The following HSD17B3 variants were observed in gnomAD, a reference collection of about 807,000 sequenced individuals.
HSD17B3 encodes the protein 17-beta-hydroxysteroid dehydrogenase type 3.
In HSD17B3, 29 loss-of-function variants were observed where a neutral mutation model predicts 41.1. The ratio of observed to expected loss-of-function variants is 0.71; its 90% confidence interval spans 0.53 to 0.96. The LOEUF is 0.96. HSD17B3 is among the 40% of genes least tolerant of loss of function. HSD17B3 has a pLI of 0.00. For synonymous variants in HSD17B3, 126 were observed against 145.6 expected, an observed-to-expected ratio of 0.87 and a Z score of 0.97; for missense variants, 323 against 374.6, an observed-to-expected ratio of 0.86 and a Z score of 1.14.
At chr9:96,238,300 T>A (rs6479179) in intron 10 of HSD17B3, among the ~76,000 whole-genome samples, 66,134 of 151,868 alleles carry the variant, frequency 0.44, 14,907 homozygotes, top group East Asian at 0.5. Context: ...AGTGTCCTCC[T>A]GAAGGTGGAA....
intron 2 of HSD17B3, among the ~76,000 whole-genome samples, chr9:96,280,887 A>G (rs7852386): frequency 0.91 from 139,181 of 152,214 alleles, 63,765 homozygotes; most frequent in African/African-American, 0.96. Context: ...GCGCCGTGAC[A>G]GTTTACAAAT....
chr9:96,245,351 A>T lies in HSD17B3; in HGVS notation c.600T>A (p.Ala200=), dbSNP rs200047729. The T allele has an allele frequency of 9.9e-6, 16 of 1,611,698 alleles. No individual in the cohort carries two copies. Among genetic ancestry groups the T allele is most frequent in the African/African-American group, 1.3e-5 (1 of 74,892 alleles). The change falls in exon 8 of 11, where the codon GCT becomes GCA. Residue 200 remains alanine (A), a synonymous_variant. Transcript: ENST00000375263. ...AAGTCATGACATCACTCACCTTGGA[A>T]GCTGAGTACATGGAGTAGAGAGGCC... is the stretch of plus-strand genomic sequence containing the variant. ...FPWPLYSMYS[A]SKAFVCAFSK...
chr9:96,262,729 C>T (rs1028182712), intron 2 of HSD17B3, among the ~76,000 whole-genome samples: 3 of 152,118 alleles, frequency 2.0e-5, no homozygotes, highest in Non-Finnish European at 4.4e-5. Flanking sequence ...ATTACTTTTT[C>T]ACCAAGCTAA....
chr9:96,252,755 A>C, intron 4 of HSD17B3, 48 bp downstream of exon 4: 1 of 939,778 alleles, frequency 1.1e-6, no homozygotes. Context: ...GTGTCAGGTT[A>C]TTTCACTGAT....
intron 2 of HSD17B3, among the ~76,000 whole-genome samples, chr9:96,286,700 AAC>A (rs1415011883): frequency 2.2e-5 from 3 of 136,992 alleles, no homozygotes; most frequent in Non-Finnish European, 5.1e-5. Flanking sequence ...AAAAAAAAAA[AAC>A]AAAAAAAAAA....
intron 10 of HSD17B3, among the ~76,000 whole-genome samples, chr9:96,238,569 G>C (rs891348872): frequency 1.3e-5 from 2 of 152,148 alleles, no homozygotes; most frequent in African/African-American, 4.8e-5. Context: ...GGCTGAGGCA[G>C]GAGAATCGCT....
intron 2 of HSD17B3, among the ~76,000 whole-genome samples, chr9:96,277,176 G>C (rs1210594872): frequency 6.7e-6 from 1 of 149,134 alleles, no homozygotes; most frequent in Non-Finnish European, 1.5e-5. Flanking sequence ...ACTCCAGCCT[G>C]GGCGACAGAG....
rs767259718 is a variant in HSD17B3, at chr9:96,245,424, T to C, written c.527A>G (p.Gln176Arg). 1 of 1,613,306 alleles carries C rather than the reference T, an allele frequency of 6.2e-7. No homozygotes were observed. The highest frequency in any genetic ancestry group is 1.7e-5 in the Admixed American group (1 of 60,026). Residue 176 changes from glutamine to arginine, a missense_variant and splice_region_variant, in exon 8 of 11, where the codon CAG becomes CGG. Transcript: ENST00000375263. ...AGAAATGTTCAGGATGAGACCTTTC[T>C]GCCTGAAAGGCAAAGAAGCAAAGTT... The part of the protein sequence containing the change: ...QLILKHMESR[Q>R]KGLILNISSG...
Position 96,302,121 on chromosome 9 carries a change from C to T in HSD17B3, c.-17G>A, listed in dbSNP as rs373446255. ...GTCCCCCATGGCTGCACTCAACAGA[C>T]TGTTTCAGCCCTGGCCGTGGCTCTC... On this transcript the variant is annotated 5_prime_UTR_variant, in exon 1 of 11. Coordinates refer to ENST00000375263, the MANE Select transcript of HSD17B3 (RefSeq NM_000197.2). 3 of 1,613,540 alleles carry T rather than the reference C, an allele frequency of 1.9e-6. No homozygotes were observed. The highest frequency in any genetic ancestry group is 2.5e-6 in the Non-Finnish European group (3 of 1,179,806).
At chr9:96,249,163 A>G (rs1159737146) in intron 6 of HSD17B3, among the ~76,000 whole-genome samples, 1 of 152,146 alleles carries the variant, frequency 6.6e-6, no homozygotes, top group Non-Finnish European at 1.5e-5. Flanking sequence ...TCGGCCTCCC[A>G]AAGTGCTGGG....
intron 9 of HSD17B3, among the ~76,000 whole-genome samples, chr9:96,243,919 AGTTTT>A (rs1587715498): frequency 6.6e-6 from 1 of 152,264 alleles, no homozygotes; most frequent in East Asian, 1.9e-4. Flanking sequence ...TCAAGTGCCC[AGTTTT>A]GTTTTGTTTG....
chr9:96,299,661 G>A (rs887048115), intron 1 of HSD17B3, among the ~76,000 whole-genome samples: 17 of 152,246 alleles, frequency 1.1e-4, no homozygotes, highest in Admixed American at 2.6e-4. Flanking sequence ...AAGCCAAGGG[G>A]AAAAAGTTCG....
chr9:96,257,274 T>C (rs970387398), intron 2 of HSD17B3, among the ~76,000 whole-genome samples: 1 of 152,306 alleles, frequency 6.6e-6, no homozygotes, highest in East Asian at 1.9e-4. Context: ...GATTTTCATC[T>C]TTTTCTATTT....
At chr9:96,293,488 C>G (rs74408558) in intron 2 of HSD17B3, among the ~76,000 whole-genome samples, 2 of 151,944 alleles carry the variant, frequency 1.3e-5, no homozygotes, top group Admixed American at 1.3e-4. Flanking sequence ...TAACCATGTG[C>G]GTCAATTCCT....
chr9:96,239,610 C>G (rs1836355155), intron 10 of HSD17B3: 1 of 152,202 alleles, frequency 6.6e-6, no homozygotes, highest in South Asian at 2.1e-4. Context: ...CTTTGGTAGA[C>G]TTTAGCGCAT....
chr9:96,274,748 A>T (rs559922724), intron 2 of HSD17B3, among the ~76,000 whole-genome samples: 2 of 152,318 alleles, frequency 1.3e-5, no homozygotes, highest in South Asian at 4.1e-4. Flanking sequence ...AGCCTATAAG[A>T]TTTATGGGAC....
intron 2 of HSD17B3, among the ~76,000 whole-genome samples, chr9:96,295,164 G>A (rs1009152161): frequency 1.4e-5 from 2 of 146,734 alleles, no homozygotes; most frequent in Non-Finnish European, 3.0e-5. Context: ...GCACCACCAC[G>A]CCTGGCTAAT....
At chr9:96,237,654 T>C (rs534825849) in intron 10 of HSD17B3, among the ~76,000 whole-genome samples, 1 of 152,336 alleles carries the variant, frequency 6.6e-6, no homozygotes, top group South Asian at 2.1e-4. Context: ...CCTCTCTCTT[T>C]AGATACAATG....
rs562463238 is a variant in HSD17B3 at position 96,260,408 on chromosome 9, C to G, written c.202-5465G>C. ...ATTATGGCAGTGAAAGAGATCTGAT[C>G]TAACCAGCCCCTTGTCTTGCCCTTA... On this transcript the variant is annotated intron_variant, in intron 2 of 10. Transcript: ENST00000375263. Among the ~76,000 whole-genome samples the G allele has an allele frequency of 2.8e-4, 43 of 152,302 alleles. 1 individual carries two copies. In the Middle Eastern group the frequency reaches 0.01, roughly 36 times the overall value.
Sources: gnomAD v4.1 joint callset for allele counts (sites outside exome capture counted in the v4.1 genomes callset) on GRCh38, gnomAD v4.1.1 for gene constraint, MANE v1.5 for transcripts, NCBI Gene and HGNC (gene_info 2026-07-23, HGNC 2026-07-21) for gene names.